Variants in LAMA3 observed in about 807,000 individuals in gnomAD.
LAMA3 encodes laminin subunit alpha-3.
Under a neutral mutation model 402.0 loss-of-function variants are expected in LAMA3, and 281 were observed. The observed-to-expected ratio is 0.70, with a 90% CI of 0.63 to 0.77. The LOEUF (loss-of-function observed/expected upper bound fraction) is 0.77, where lower values mean the gene tolerates loss of function less well. LAMA3 is among the 30% of genes least tolerant of loss of function. The pLI, the probability that LAMA3 is intolerant of heterozygous loss-of-function variation, is 0.00. For missense variants in LAMA3, 3,840 were observed against 4,215.5 expected, an observed-to-expected ratio of 0.91 and a Z score of 2.47; for synonymous variants, 1,431 against 1,558.4, an observed-to-expected ratio of 0.92 and a Z score of 1.93.
At chr18:23,790,945 G>C (rs2062639840) in intron 12 of LAMA3, among the ~76,000 whole-genome samples, 1 of 151,178 alleles carries the variant, frequency 6.6e-6, no homozygotes, top group African/African-American at 2.4e-5. Flanking sequence ...CTGGAGTGCA[G>C]TGGCGCGATC....
intron 1 of LAMA3, 51 bp downstream of exon 1, chr18:23,690,028 C>G: frequency 7.6e-7 from 1 of 1,308,062 alleles, no homozygotes; most frequent in Non-Finnish European, 1.0e-6. Context: ...CTTCCCGCGC[C>G]GGCCAGACAC....
chr18:23,721,301 C>T (rs1834408191), intron 2 of LAMA3, among the ~76,000 whole-genome samples: 2 of 152,206 alleles, frequency 1.3e-5, no homozygotes, highest in South Asian at 4.1e-4. Flanking sequence ...CCAAACACAG[C>T]TGATCCTGGT....
intron 21 of LAMA3, 128 bp from the exon 22 acceptor site, chr18:23,826,574 G>T: frequency 1.4e-6 from 1 of 735,444 alleles, no homozygotes; most frequent in Non-Finnish European, 2.4e-6. Context: ...CAAAGCAGTT[G>T]ATATGGAGAG....
At chr18:23,815,710 T>G (rs1427937445) in intron 17 of LAMA3, 137 bp downstream of exon 17, 13 of 725,114 alleles carry the variant, frequency 1.8e-5, no homozygotes, top group Non-Finnish European at 3.2e-5. Context: ...TCCAGGGAAT[T>G]TGGCCAAACA....
chr18:23,941,334 C>CG (rs1314591917), intron 68 of LAMA3, among the ~76,000 whole-genome samples: 4 of 144,842 alleles, frequency 2.8e-5, no homozygotes, highest in East Asian at 2.1e-4. Context: ...GCGCCCCCCC[C>CG]CCGCCCGGCA....
intron 44 of LAMA3, among the ~76,000 whole-genome samples, chr18:23,895,332 AAC>A (rs1209776897): frequency 6.6e-6 from 1 of 152,206 alleles, no homozygotes; most frequent in African/African-American, 2.4e-5. Context: ...AGAAGACTCA[AAC>A]ACAGGTTTGT....
At chr18:23,871,027 GAA>G (rs1190134411) in intron 37 of LAMA3, among the ~76,000 whole-genome samples, 1 of 152,210 alleles carries the variant, frequency 6.6e-6, no homozygotes, top group African/African-American at 2.4e-5. Context: ...GTTTGTGCAA[GAA>G]AAGATTGTAT....
chr18:23,812,791 C>T (rs560438754), intron 13 of LAMA3, among the ~76,000 whole-genome samples: 6 of 152,290 alleles, frequency 3.9e-5, no homozygotes, highest in African/African-American at 1.4e-4. Flanking sequence ...CTAATCTCCT[C>T]CTTCATCATC....
intron 60 of LAMA3, among the ~76,000 whole-genome samples, chr18:23,919,510 G>A (rs776951857): frequency 3.8e-4 from 58 of 152,232 alleles, no homozygotes; most frequent in Non-Finnish European, 7.3e-5. Context: ...CATCACAACT[G>A]TGAAGAGCTG....
intron 73 of LAMA3, among the ~76,000 whole-genome samples, chr18:23,951,995 T>A (rs1599190024): frequency 6.6e-6 from 1 of 152,202 alleles, no homozygotes; most frequent in South Asian, 2.1e-4. Flanking sequence ...TTATTGTTGC[T>A]GTTGTTGTTG....
At chr18:23,851,382 C>A (rs1372382814) in intron 32 of LAMA3, among the ~76,000 whole-genome samples, 11 of 152,200 alleles carry the variant, frequency 7.2e-5, no homozygotes, top group Admixed American at 3.9e-4. Flanking sequence ...TGCCTCCAGA[C>A]CAAGAAGATG....
chr18:23,861,671 T>A lies in LAMA3; in HGVS notation c.4448T>A (p.Leu1483Gln). The A allele has an allele frequency of 6.2e-7, 1 of 1,614,208 alleles. No homozygotes were observed. Among genetic ancestry groups the A allele is most frequent in the Non-Finnish European group, 8.5e-7 (1 of 1,180,040 alleles). Reference sequence around the variant, plus strand: ...TTTGTGGATATGCTGGGCTGGCACCTGGAGACAGCAGACAGAGTGGACATC... The same window carrying A: ...TTTGTGGATATGCTGGGCTGGCACCAGGAGACAGCAGACAGAGTGGACATC... ...TKFVDMLGWH[L>Q]ETADRVDIPV... Residue 1483 changes from leucine (L) to glutamine (Q), a missense_variant, in exon 35 of 75, where the codon CTG becomes CAG. Leu to Gln is a moderately radical substitution (Grantham distance 113). This residue lies in a region of LAMA3 where 2,109 missense variants were observed against 2,376.0 expected (regional missense o/e 0.89). Transcript: ENST00000313654.
chr18:23,826,854 C>G, intron 22 of LAMA3, 55 bp downstream of exon 22: 2 of 1,037,074 alleles, frequency 1.9e-6, no homozygotes, highest in Non-Finnish European at 3.0e-6. Context: ...AAATTAGGAG[C>G]CTTTAATGCA....
In LAMA3 at chr18:23,946,198, G is replaced by A; in HGVS notation, c.9265G>A (p.Ala3089Thr). 6.2e-7 allele frequency: 1 copy of A among 1,614,030 alleles called. No homozygotes were observed. The highest frequency in any genetic ancestry group is 8.5e-7 in the Non-Finnish European group (1 of 1,179,948). Residue 3089 changes from alanine (A) to threonine (T), a missense_variant, in exon 70 of 75, where the codon GCC becomes ACC. Transcript: ENST00000313654. The part of the protein sequence containing the change: ...KGRLVVDGLR[A>T]REGSLPGNST... ...GCGCTTGGTTGTGGATGGACTGAGG[G>A]CCCGGGAGGGAAGTTTGCCTGGAAA...
At chr18:23,860,249 C>T (rs2064183454) in intron 34 of LAMA3, among the ~76,000 whole-genome samples, 1 of 147,416 alleles carries the variant, frequency 6.8e-6, no homozygotes, top group Non-Finnish European at 1.5e-5. Context: ...TTTCTTTGGT[C>T]ACTTTTCTTT....
At chr18:23,766,241 C>G (rs2062072279) in intron 8 of LAMA3, among the ~76,000 whole-genome samples, 1 of 152,030 alleles carries the variant, frequency 6.6e-6, no homozygotes, top group Non-Finnish European at 1.5e-5. Context: ...TGACTGTGGA[C>G]TTTTTATTAG....
chr18:23,939,095 A>G (rs984952982), intron 67 of LAMA3, 128 bp from the exon 68 acceptor site: 3 of 958,094 alleles, frequency 3.1e-6, no homozygotes, highest in Non-Finnish European at 5.0e-6. Flanking sequence ...TCTCCATGGT[A>G]CCAGGCCTTC....
At chr18:23,945,789 G>A (rs1182472169) in intron 69 of LAMA3, among the ~76,000 whole-genome samples, 1 of 152,176 alleles carries the variant, frequency 6.6e-6, no homozygotes, top group African/African-American at 2.4e-5. Context: ...CCCCAGCACT[G>A]TATAAACTGT....
intron 35 of LAMA3, among the ~76,000 whole-genome samples, chr18:23,862,203 A>G (rs2064240678): frequency 6.6e-6 from 1 of 152,242 alleles, no homozygotes; most frequent in African/African-American, 2.4e-5. Flanking sequence ...TAGGAAAACG[A>G]AAGCTAACAA....
Sources: gnomAD v4.1 joint callset for allele counts (sites outside exome capture counted in the v4.1 genomes callset) on GRCh38, gnomAD v4.1.1 for gene constraint, gnomAD v4.1.1 regional missense constraint, MANE v1.5 for transcripts, NCBI Gene and HGNC (gene_info 2026-07-23, HGNC 2026-07-21) for gene names.